FBN1: variants seen among roughly 807,000 people sequenced by gnomAD.
FBN1 encodes the protein fibrillin-1.
A neutral mutation model predicts 365.1 loss-of-function variants in FBN1; 29 were observed. That is an observed-to-expected ratio of 0.08 (90% CI 0.06 to 0.11). The LOEUF is 0.11. FBN1 is among the 10% of genes least tolerant of loss of function. The probability of loss-of-function intolerance (pLI) is 1.00; values close to 1 mark genes in which losing one functional copy is unlikely to be tolerated. For missense variants in FBN1, 2,476 were observed against 3,703.2 expected (o/e 0.67, Z 8.60); for synonymous variants, 1,210 against 1,270.5 (o/e 0.95, Z 1.01).
rs1441999183 is a variant in FBN1, at chr15:48,460,069, G to A, written c.5296+177C>T. Among the ~76,000 whole-genome samples, 6 of 152,220 alleles carry A rather than the reference G, an allele frequency of 3.9e-5. No individual in the cohort carries two copies. In the East Asian group the frequency reaches 1.2e-3, roughly 29 times the overall value. ...GAACAACAAATGTTGTTGCCAATTA[G>A]GTGGAGCTGCACAGGGTGTTTGCAC... On this transcript the variant is annotated intron_variant, in intron 43 of 65. Coordinates refer to ENST00000316623, the MANE Select transcript of FBN1 (RefSeq NM_000138.5).
At position 48,410,334 on chromosome 15, in the gene FBN1, A is replaced by G. The variant is rs1256479090; in HGVS notation, c.*656T>C. 6.5e-6 allele frequency: 1 copy of G among 152,866 alleles called. No homozygotes were observed. Among genetic ancestry groups the G allele is most frequent in the Non-Finnish European group, 1.5e-5 (1 of 68,232 alleles). 9.5% of individuals were successfully genotyped at this position (152,866 alleles called of 1,614,324 possible). A position where few individuals can be genotyped will look rare whatever the true frequency, so the allele number is the denominator to read the frequency against. Reference sequence around the variant, plus strand: ...AATAAGCACCATTACAAACCCTCACATTAAGGGCATTATTATTCTAGTTTA... The same window carrying G: ...AATAAGCACCATTACAAACCCTCACGTTAAGGGCATTATTATTCTAGTTTA... On this transcript the variant is annotated 3_prime_UTR_variant, in exon 66 of 66. Coordinates refer to ENST00000316623, the MANE Select transcript of FBN1 (RefSeq NM_000138.5).
chr15:48,521,406 G>A (rs1292370423), intron 9 of FBN1, among the ~76,000 whole-genome samples: 3 of 152,056 alleles, frequency 2.0e-5, no homozygotes, highest in African/African-American at 7.2e-5. Flanking sequence ...TTGTCTTAGG[G>A]CCCTAACAGA....
chr15:48,473,807 CA>C (rs987286846), intron 34 of FBN1, among the ~76,000 whole-genome samples: 12 of 141,058 alleles, frequency 8.5e-5, no homozygotes, highest in Non-Finnish European at 1.4e-4. Context: ...GAGAAATAGG[CA>C]AAAAAAAAAT....
intron 40 of FBN1, among the ~76,000 whole-genome samples, chr15:48,465,165 A>G (rs2043310480): frequency 6.6e-6 from 1 of 152,236 alleles, no homozygotes; most frequent in African/African-American, 2.4e-5. Flanking sequence ...TTATTTGAAT[A>G]CATGAGCACC....
intron 2 of FBN1, chr15:48,642,561 A>G (rs1890216550): frequency 6.6e-6 from 1 of 152,196 alleles, no homozygotes; most frequent in African/African-American, 2.4e-5. Flanking sequence ...ACATGTATAC[A>G]TATGCCTAAA....
At chr15:48,556,151 T>A (rs1242178170) in intron 6 of FBN1, among the ~76,000 whole-genome samples, 2 of 152,198 alleles carry the variant, frequency 1.3e-5, no homozygotes, top group African/African-American at 4.8e-5. Flanking sequence ...AACTACTTAA[T>A]GGGGTAAGGC....
At chr15:48,467,359 G>T (rs889805799) in intron 38 of FBN1, among the ~76,000 whole-genome samples, 4 of 152,156 alleles carry the variant, frequency 2.6e-5, no homozygotes, top group Non-Finnish European at 5.9e-5. Context: ...TACGCTATAA[G>T]CAGTAGCCAC....
At chr15:48,550,013 T>C (rs1566925055) in intron 6 of FBN1, among the ~76,000 whole-genome samples, 1 of 152,202 alleles carries the variant, frequency 6.6e-6, no homozygotes, top group African/African-American at 2.4e-5. Flanking sequence ...TTGTGGATAA[T>C]GTTACCTTGC....
rs780632581 is a variant in FBN1, at chr15:48,520,643, C to T, written c.1147+16G>A. 2.5e-6 allele frequency: 4 copies of T among 1,613,708 alleles called. No homozygotes were observed. The South Asian group carries it at 4.4e-5, about 18-fold the overall frequency. ...CTGGGATGGGATATTCTGCAGATAA[C>T]TGGAAGGGCTCTTACCGGTTGCTCT... On this transcript the variant is annotated intron_variant, in intron 10 of 65. Coordinates refer to ENST00000316623, the MANE Select transcript of FBN1 (RefSeq NM_000138.5).
intron 25 of FBN1, among the ~76,000 whole-genome samples, chr15:48,489,198 ATATTTTTTT>A (rs1403753114): frequency 6.9e-5 from 8 of 115,854 alleles, no homozygotes; most frequent in African/African-American, 2.7e-4. Flanking sequence ...CCATGCCTAG[ATATTTTTTT>A]TTTTTTTTTT....
At chr15:48,629,852 T>G (rs58065790) in intron 2 of FBN1, among the ~76,000 whole-genome samples, 21 of 152,252 alleles carry the variant, frequency 1.4e-4, no homozygotes, top group African/African-American at 5.1e-4. Flanking sequence ...CATGCCATCA[T>G]GCCACACTTT....
At chr15:48,560,822 C>G (rs971762403) in intron 6 of FBN1, among the ~76,000 whole-genome samples, 1 of 152,120 alleles carries the variant, frequency 6.6e-6, no homozygotes, top group East Asian at 1.9e-4. Context: ...ACGTCCCCTG[C>G]ATGCCACAGT....
chr15:48,636,325 G>C (rs1244709328), intron 2 of FBN1, among the ~76,000 whole-genome samples: 2 of 152,274 alleles, frequency 1.3e-5, no homozygotes, highest in Non-Finnish European at 2.9e-5. Flanking sequence ...ATATAAAGGA[G>C]AATCAAGGAA....
At chr15:48,610,698 A>G (rs1328626369) in intron 4 of FBN1, 30 bp downstream of exon 4, 2 of 1,512,664 alleles carry the variant, frequency 1.3e-6, no homozygotes, top group African/African-American at 2.8e-5. Context: ...ACATAAAATA[A>G]TATTATATAT....
At chr15:48,634,862 CACACACACACACACACACA>C (rs1890065329) in intron 2 of FBN1, among the ~76,000 whole-genome samples, 3 of 59,556 alleles carry the variant, frequency 5.0e-5, no homozygotes, top group African/African-American at 3.8e-4. Context: ...AAAAACCACA[CACACACACACACACACACA>C]CACACACACA....
chr15:48,483,871 C>T lies in FBN1; in HGVS notation c.3785G>A (p.Arg1262Lys), dbSNP rs371103773. The change falls in exon 31 of 66, where the codon AGG becomes AAG. Residue 1262 changes from arginine (R) to lysine (K), a missense_variant. Physicochemically the swap from Arg to Lys is conservative, Grantham distance 26. Around this residue, in one of 5 missense-constraint regions of FBN1, gnomAD observed 1,780 missense variants for 2,840.8 expected, o/e 0.63. Transcript: ENST00000316623. ...CATGAATCCATCATAACACAAGCAC[C>T]TGTACTCTCCAGGGATATTTGTGCA... ...GQCTNIPGEY[R>K]CLCYDGFMAS... 7.4e-6 allele frequency: 12 copies of T among 1,613,634 alleles called. No individual in the cohort carries two copies. The highest frequency in any genetic ancestry group is 1.0e-5 in the Non-Finnish European group (12 of 1,179,982).
chr15:48,456,765 A>AAACCGGTATAAATGTC lies in FBN1; in HGVS notation c.5297-4_5297-3insGACATTTATACCGGTT. Reference sequence around the variant, plus strand: ...GATCTCCCGGCACTCATCAATATCTAGAGACAGAGTAGTCATTCATGAGTG... The same window carrying AAACCGGTATAAATGTC: ...GATCTCCCGGCACTCATCAATATCTAAACCGGTATAAATGTCGAGACAGAGTAGTCATTCATGAGTG... On this transcript the variant is annotated splice_polypyrimidine_tract_variant and splice_region_variant and intron_variant, in intron 43 of 65. Coordinates refer to ENST00000316623, the MANE Select transcript of FBN1 (RefSeq NM_000138.5). 1.9e-6 allele frequency: 3 copies of AAACCGGTATAAATGTC among 1,613,344 alleles called. No individual in the cohort carries two copies.
chr15:48,417,037 C>G (rs2042907605), intron 63 of FBN1, among the ~76,000 whole-genome samples: 1 of 152,166 alleles, frequency 6.6e-6, no homozygotes, highest in African/African-American at 2.4e-5. Context: ...CTTCCAAGAT[C>G]TCACAGCCAG....
intron 23 of FBN1, among the ~76,000 whole-genome samples, chr15:48,493,242 T>C (rs2043576794): frequency 6.6e-6 from 1 of 152,104 alleles, no homozygotes; most frequent in African/African-American, 2.4e-5. Flanking sequence ...GAGAGCAATA[T>C]GTTCTCTGCA....
Sources: gnomAD v4.1 joint callset for allele counts (sites outside exome capture counted in the v4.1 genomes callset) on GRCh38, gnomAD v4.1.1 for gene constraint, gnomAD v4.1.1 regional missense constraint, MANE v1.5 for transcripts, NCBI Gene and HGNC (gene_info 2026-07-23, HGNC 2026-07-21) for gene names.